Variants in RREB1 observed in about 807,000 individuals in gnomAD.
RREB1 encodes ras responsive element binding protein 1.
RREB1 carries 27 observed loss-of-function variants against 117.8 expected under a neutral mutation model. That is an observed-to-expected ratio of 0.23 (90% CI 0.17 to 0.32). The LOEUF is 0.32. Among genes scored for constraint, RREB1 ranks in the 10% least tolerant of loss-of-function variants. The pLI is 1.00. For synonymous variants in RREB1, 1,298 were observed against 1,026.7 expected, an observed-to-expected ratio of 1.26 and a Z score of -5.05; for missense variants, 2,577 against 2,378.2, an observed-to-expected ratio of 1.08 and a Z score of -1.74.
intron 1 of RREB1, among the ~76,000 whole-genome samples, chr6:7,127,171 A>G (rs1761977135): frequency 6.6e-6 from 1 of 151,994 alleles, no homozygotes; most frequent in Admixed American, 6.6e-5. Context: ...GCCCTGGAAA[A>G]ATGGACGGGG....
intron 1 of RREB1, among the ~76,000 whole-genome samples, chr6:7,143,484 C>T (rs538228989): frequency 1.3e-5 from 2 of 152,238 alleles, no homozygotes; most frequent in South Asian, 2.1e-4. Flanking sequence ...GGCTTTCCCC[C>T]GACACTGGCT....
At chr6:7,125,987 T>TTTGTTTG (rs1554115475) in intron 1 of RREB1, among the ~76,000 whole-genome samples, 4 of 150,688 alleles carry the variant, frequency 2.7e-5, no homozygotes, top group Non-Finnish European at 5.9e-5. Context: ...AAGGACTGTT[T>TTTGTTTG]TTTGTTTGTT....
intron 7 of RREB1, among the ~76,000 whole-genome samples, chr6:7,211,326 GGATGGATGGACA>G (rs1176677070): frequency 3.0e-5 from 4 of 134,030 alleles, no homozygotes; most frequent in African/African-American, 8.7e-5. Flanking sequence ...GTGGGTGGAT[GGATGGATGGACA>G]GATGGATGGA....
chr6:7,193,880 G>T (rs1765535409), intron 6 of RREB1, among the ~76,000 whole-genome samples: 1 of 152,174 alleles, frequency 6.6e-6, no homozygotes. Flanking sequence ...TCAGATTTCA[G>T]ATTTTCTGAT....
intron 1 of RREB1, among the ~76,000 whole-genome samples, chr6:7,115,503 T>C (rs1379581357): frequency 1.3e-5 from 2 of 152,164 alleles, no homozygotes; most frequent in Non-Finnish European, 2.9e-5. Context: ...TCCCACTTTA[T>C]AGACATGTGC....
rs532333108 is a variant in RREB1, at chr6:7,155,541, C to T, written c.-284-21114C>T. Among the ~76,000 whole-genome samples the T allele has an allele frequency of 1.6e-4, 25 of 152,334 alleles. 1 individual carries two copies. The highest frequency in any genetic ancestry group is 6.0e-4 in the African/African-American group (25 of 41,576). ...GGCCTGGCTAGTCTCGAACTCCTGA[C>T]CTCAGGTGATTGGCCTGCCTCAGCC... On this transcript the variant is annotated intron_variant, in intron 1 of 12. Transcript: ENST00000379938.
At position 7,228,760 on chromosome 6, in the gene RREB1, A is replaced by G. The variant is rs113134617; in HGVS notation, c.898-237A>G. 8.1e-3 allele frequency among the ~76,000 whole-genome samples: 1,226 copies of G among 151,958 alleles called. 12 individuals are homozygous for G. Among genetic ancestry groups the G allele is most frequent in the African/African-American group, 0.025 (1,027 of 41,422 alleles). Reference sequence around the variant, plus strand: ...TGGCCTCAAGTGATCCTCCCGCCTCAGTCTCTGGAGTAGCTGGGACTAGAG... The same window carrying G: ...TGGCCTCAAGTGATCCTCCCGCCTCGGTCTCTGGAGTAGCTGGGACTAGAG... On this transcript the variant is annotated intron_variant, in intron 9 of 12. Coordinates refer to ENST00000379938, the MANE Select transcript of RREB1 (RefSeq NM_001003699.4).
rs540734460 is a variant in RREB1 at position 7,141,851 on chromosome 6, C to T, written c.-285+33791C>T. Among the ~76,000 whole-genome samples the T allele has an allele frequency of 5.3e-5, 8 of 152,338 alleles. No homozygotes were observed. The East Asian group carries it at 1.5e-3, about 29-fold the overall frequency. On this transcript the variant is annotated intron_variant, in intron 1 of 12. Transcript: ENST00000379938. Reference sequence around the variant, plus strand: ...GGGTGGCCGGGCCAGGAAGCAGGGCCTTTCTGGCCCTTTCCGCAGAGGGCT... The same window carrying T: ...GGGTGGCCGGGCCAGGAAGCAGGGCTTTTCTGGCCCTTTCCGCAGAGGGCT...
rs372530310 is a variant in RREB1, at chr6:7,231,086, C to G, written c.2987C>G (p.Ala996Gly). The change falls in exon 10 of 13, where the codon GCT becomes GGT. Residue 996 changes from alanine (A) to glycine (G), a missense_variant. Coordinates refer to ENST00000379938, the MANE Select transcript of RREB1 (RefSeq NM_001003699.4). Reference protein sequence around the residue: ...SGILESPMAPAPAATPEPPAQ... With the variant: ...SGILESPMAPGPAATPEPPAQ... ...ATCCTGGAAAGCCCCATGGCCCCTG[C>G]TCCGGCGGCCACCCCGGAACCCCCA... 5 of 1,613,182 alleles carry G rather than the reference C, an allele frequency of 3.1e-6. No homozygotes were observed. Among genetic ancestry groups the G allele is most frequent in the Non-Finnish European group, 4.2e-6 (5 of 1,179,978 alleles).
intron 12 of RREB1, among the ~76,000 whole-genome samples, chr6:7,247,634 G>A (rs924526086): frequency 2.0e-5 from 3 of 152,118 alleles, no homozygotes; most frequent in African/African-American, 7.2e-5. Flanking sequence ...AGGCCGCTGT[G>A]GGGCAGGCAC....
intron 1 of RREB1, among the ~76,000 whole-genome samples, chr6:7,129,367 G>A (rs1762063346): frequency 6.6e-6 from 1 of 152,364 alleles, no homozygotes. Context: ...CTTAATTTAA[G>A]TGGTAGGGAG....
intron 6 of RREB1, among the ~76,000 whole-genome samples, chr6:7,190,866 A>G (rs1275558108): frequency 6.6e-6 from 1 of 152,100 alleles, no homozygotes; most frequent in Non-Finnish European, 1.5e-5. Context: ...TGGGGGTTCC[A>G]TCACTTTTTC....
intron 5 of RREB1, 55 bp from the exon 6 acceptor site, chr6:7,189,104 G>A (rs1379832649): frequency 6.5e-7 from 1 of 1,529,928 alleles, no homozygotes; most frequent in Non-Finnish European, 8.8e-7. Flanking sequence ...TTTCCTAAGA[G>A]CTGAGCTTCT....
intron 6 of RREB1, among the ~76,000 whole-genome samples, chr6:7,195,135 A>C (rs1186519174): frequency 6.6e-6 from 1 of 152,138 alleles, no homozygotes; most frequent in Non-Finnish European, 1.5e-5. Context: ...AAATTGAGTA[A>C]ATTGAGAGTG....
At chr6:7,248,458 A>G (rs976596357) in intron 12 of RREB1, 53 bp from the exon 13 acceptor site, 5 of 1,478,634 alleles carry the variant, frequency 3.4e-6, no homozygotes, top group African/African-American at 1.4e-5. Flanking sequence ...AGCAGGGTGC[A>G]GTGGGTACTG....
intron 1 of RREB1, among the ~76,000 whole-genome samples, chr6:7,130,633 T>C (rs932458067): frequency 4.6e-5 from 7 of 152,080 alleles, no homozygotes; most frequent in African/African-American, 7.2e-5. Context: ...TTTTTTTTTT[T>C]CGAGATGGAG....
At chr6:7,152,766 G>A (rs938874454) in intron 1 of RREB1, among the ~76,000 whole-genome samples, 1 of 152,214 alleles carries the variant, frequency 6.6e-6, no homozygotes, top group South Asian at 2.1e-4. Flanking sequence ...TCCTTAGCAA[G>A]TGAGTTTTTA....
chr6:7,109,682 G>A (rs996154930), intron 1 of RREB1, among the ~76,000 whole-genome samples: 1 of 152,212 alleles, frequency 6.6e-6, no homozygotes, highest in African/African-American at 2.4e-5. Flanking sequence ...GCCCTCCCTC[G>A]CTCCTTACTG....
chr6:7,211,277 AC>A (rs1191973429), intron 7 of RREB1, among the ~76,000 whole-genome samples: 2 of 120,724 alleles, frequency 1.7e-5, no homozygotes, highest in Admixed American at 1.2e-4. Flanking sequence ...CCTGGCAGAT[AC>A]CCGGTGCTGC....
Sources: gnomAD v4.1 joint callset for allele counts (sites outside exome capture counted in the v4.1 genomes callset) on GRCh38, gnomAD v4.1.1 for gene constraint, MANE v1.5 for transcripts, NCBI Gene and HGNC (gene_info 2026-07-23, HGNC 2026-07-21) for gene names.